KLHDC1: variants seen among roughly 807,000 people sequenced by gnomAD.
KLHDC1 encodes the protein kelch domain-containing protein 1.
Under a neutral mutation model 68.3 loss-of-function variants are expected in KLHDC1, and 53 were observed. The ratio of observed to expected loss-of-function variants is 0.78; its 90% CI spans 0.62 to 0.98. KLHDC1 has a LOEUF of 0.98. KLHDC1 is among the 50% of genes least tolerant of loss of function. The pLI is 0.00. For synonymous variants in KLHDC1, 148 were observed against 159.0 expected (o/e 0.93, Z 0.52); for missense variants, 470 against 492.3 (o/e 0.95, Z 0.43).
intron 4 of KLHDC1, among the ~76,000 whole-genome samples, chr14:49,719,839 T>C (rs955298563): frequency 1.3e-5 from 2 of 151,972 alleles, no homozygotes; most frequent in African/African-American, 2.4e-5. Flanking sequence ...TATTTTGTTA[T>C]AGAGATGGTC....
intron 11 of KLHDC1, among the ~76,000 whole-genome samples, chr14:49,741,401 G>A (rs1889062846): frequency 6.6e-6 from 1 of 151,888 alleles, no homozygotes; most frequent in Non-Finnish European, 1.5e-5. Flanking sequence ...CACCTCCTGG[G>A]TTCAAGCGAT....
intron 11 of KLHDC1, among the ~76,000 whole-genome samples, chr14:49,742,705 G>A (rs868071740): frequency 6.0e-5 from 9 of 150,786 alleles, no homozygotes; most frequent in African/African-American, 2.2e-4. Flanking sequence ...AATTCCCGGG[G>A]AATCTTGAGA....
intron 1 of KLHDC1, among the ~76,000 whole-genome samples, chr14:49,703,855 A>G (rs990564052): frequency 3.3e-5 from 5 of 152,216 alleles, no homozygotes; most frequent in African/African-American, 1.2e-4. Flanking sequence ...CAATTTATCC[A>G]TTCCATTATT....
At chr14:49,705,668 C>T (rs1171761124) in intron 1 of KLHDC1, among the ~76,000 whole-genome samples, 2 of 151,966 alleles carry the variant, frequency 1.3e-5, no homozygotes, top group Non-Finnish European at 2.9e-5. Context: ...TGTGCCCAGC[C>T]TATAATATTT....
intron 12 of KLHDC1, among the ~76,000 whole-genome samples, chr14:49,745,115 T>C (rs560137386): frequency 2.0e-4 from 30 of 152,214 alleles, no homozygotes; most frequent in African/African-American, 7.0e-4. Context: ...TGAAGACATA[T>C]GAGAAAGAGA....
intron 6 of KLHDC1, among the ~76,000 whole-genome samples, chr14:49,727,309 A>G (rs911641021): frequency 4.6e-5 from 7 of 151,982 alleles, no homozygotes; most frequent in Admixed American, 2.0e-4. Context: ...GCATGTTCCT[A>G]CCCTTTACAG....
At chr14:49,709,586 C>T in intron 2 of KLHDC1, 123 bp from the exon 3 acceptor site, 1 of 514,038 alleles carries the variant, frequency 1.9e-6, no homozygotes, top group African/African-American at 2.0e-5. Flanking sequence ...TATTGGCCAC[C>T]ATTACATTGT....
intron 4 of KLHDC1, among the ~76,000 whole-genome samples, chr14:49,722,038 C>G (rs1367976484): frequency 2.6e-5 from 4 of 152,224 alleles, no homozygotes; most frequent in Non-Finnish European, 5.9e-5. Flanking sequence ...CTGCCTCCAG[C>G]TGTTGGTGAC....
chr14:49,702,169 A>C (rs1297220187), intron 1 of KLHDC1, among the ~76,000 whole-genome samples: 2 of 104,646 alleles, frequency 1.9e-5, no homozygotes, highest in Admixed American at 9.5e-5. Context: ...ATTCTGTCTC[A>C]AAAAAAAAAA....
chr14:49,704,481 C>T (rs1482399529), intron 1 of KLHDC1, among the ~76,000 whole-genome samples: 2 of 138,298 alleles, frequency 1.4e-5, no homozygotes, highest in African/African-American at 5.4e-5. Flanking sequence ...GCAACCTCTG[C>T]CTCCCAGGCT....
Position 49,738,878 on chromosome 14 carries a change from C to T in KLHDC1, c.897-1220C>T, listed in dbSNP as rs193189540. 8.5e-5 allele frequency among the ~76,000 whole-genome samples: 13 copies of T among 152,336 alleles called. No homozygotes were observed. In the East Asian group the frequency reaches 2.1e-3, roughly 25 times the overall value. On this transcript the variant is annotated intron_variant, in intron 10 of 12. Coordinates refer to ENST00000359332, the MANE Select transcript of KLHDC1 (RefSeq NM_172193.3). ...CAATTTCAAGCTTCCAACGTGATGTCACTGCACGTGGAGTTGGATGCAGAT... is the reference window on the plus strand; with the variant it reads ...CAATTTCAAGCTTCCAACGTGATGTTACTGCACGTGGAGTTGGATGCAGAT...
At chr14:49,732,135 TGATGCTGAG>T (rs983864596) in intron 8 of KLHDC1, among the ~76,000 whole-genome samples, 8 of 151,838 alleles carry the variant, frequency 5.3e-5, no homozygotes, top group Non-Finnish European at 1.2e-4. Context: ...CCAATAAGAA[TGATGCTGAG>T]TATGCATTGT....
intron 12 of KLHDC1, chr14:49,751,182 AG>A (rs1889312806): frequency 6.6e-6 from 1 of 152,350 alleles, no homozygotes; most frequent in Admixed American, 6.5e-5. Flanking sequence ...GATTTTGGTC[AG>A]ATTTAGTCTC....
intron 4 of KLHDC1, among the ~76,000 whole-genome samples, chr14:49,712,418 A>G (rs908367756): frequency 6.6e-6 from 1 of 152,118 alleles, no homozygotes; most frequent in Non-Finnish European, 1.5e-5. Context: ...GTAAATTGGT[A>G]GTTAGATCTA....
At chr14:49,730,826 G>A (rs1229677191) in intron 8 of KLHDC1, among the ~76,000 whole-genome samples, 2 of 150,326 alleles carry the variant, frequency 1.3e-5, no homozygotes, top group Non-Finnish European at 1.5e-5. Context: ...TACAAAAAAA[G>A]CAAGGAGTGG....
intron 1 of KLHDC1, 67 bp downstream of exon 1, chr14:49,693,357 C>T (rs1326702798): frequency 3.6e-6 from 4 of 1,111,338 alleles, no homozygotes; most frequent in African/African-American, 1.6e-5. Context: ...GGACGCAGCG[C>T]CCGCCACACC....
Position 49,734,635 on chromosome 14 carries a change from T to TA in KLHDC1, c.871dup (p.Thr291AsnfsTer5). 6.3e-7 allele frequency: 1 copy of TA among 1,595,592 alleles called. No individual in the cohort carries two copies. The highest frequency in any genetic ancestry group is 1.1e-5 in the South Asian group (1 of 88,852). On this transcript the variant is annotated frameshift_variant, in exon 10 of 13. Coordinates refer to ENST00000359332, the MANE Select transcript of KLHDC1 (RefSeq NM_172193.3). LOFTEE classifies it high-confidence loss of function. ...TCACAACAAATTGTTGGAAACAACT[T>TA]ACACATTTACCTAAAACAAGACCTA... is the stretch of plus-strand genomic sequence containing the variant.
chr14:49,701,784 A>G (rs1401740407), intron 1 of KLHDC1, among the ~76,000 whole-genome samples: 2 of 152,248 alleles, frequency 1.3e-5, no homozygotes, highest in Non-Finnish European at 2.9e-5. Flanking sequence ...CTATAATCCC[A>G]GCACTTTGAG....
intron 1 of KLHDC1, among the ~76,000 whole-genome samples, chr14:49,698,042 A>T (rs567210624): frequency 6.6e-6 from 1 of 152,222 alleles, no homozygotes; most frequent in Non-Finnish European, 1.5e-5. Context: ...GAGTCTAGAT[A>T]TAAAGGTGGC....
Sources: gnomAD v4.1 joint callset for allele counts (sites outside exome capture counted in the v4.1 genomes callset) on GRCh38, gnomAD v4.1.1 for gene constraint, MANE v1.5 for transcripts, NCBI Gene and HGNC (gene_info 2026-07-23, HGNC 2026-07-21) for gene names.